The following FBLN1 variants were observed in gnomAD, a reference collection of about 807,000 sequenced individuals.
The protein encoded by FBLN1 is fibulin 1.
In FBLN1, 34 loss-of-function variants were observed where a neutral mutation model predicts 89.7. The ratio of observed to expected loss-of-function variants is 0.38; its 90% CI spans 0.29 to 0.50. The LOEUF (loss-of-function observed/expected upper bound fraction) is 0.50. FBLN1 is among the 20% of genes least tolerant of loss of function. The pLI, the probability that FBLN1 is intolerant of heterozygous loss-of-function variation, is 0.92. For missense variants in FBLN1, 777 were observed against 988.1 expected, an observed-to-expected ratio of 0.79 and a Z score of 2.86; for synonymous variants, 393 against 391.3, an observed-to-expected ratio of 1.00 and a Z score of -0.05.
intron 3 of FBLN1, among the ~76,000 whole-genome samples, chr22:45,526,471 G>A (rs1315903595): frequency 6.6e-6 from 1 of 152,250 alleles, no homozygotes; most frequent in Non-Finnish European, 1.5e-5. Context: ...ACTTGGGCCT[G>A]GAGGAGCTCG....
intron 16 of FBLN1, among the ~76,000 whole-genome samples, chr22:45,587,939 C>T (rs576024986): frequency 6.6e-6 from 1 of 152,248 alleles, no homozygotes; most frequent in African/African-American, 2.4e-5. Flanking sequence ...TTGCAACTCT[C>T]CTCATACTCA....
At chr22:45,591,282 G>A (rs988450097) in intron 16 of FBLN1, among the ~76,000 whole-genome samples, 5 of 152,196 alleles carry the variant, frequency 3.3e-5, no homozygotes, top group Non-Finnish European at 5.9e-5. Context: ...GATGAGAGGA[G>A]AGACAGTCGA....
intron 1 of FBLN1, among the ~76,000 whole-genome samples, chr22:45,506,619 G>C (rs1379117880): frequency 3.3e-5 from 5 of 152,206 alleles, no homozygotes; most frequent in Non-Finnish European, 7.4e-5. Flanking sequence ...GAGGATGGGG[G>C]AAAGGGTGTT....
At position 45,563,280 on chromosome 22, in the gene FBLN1, G is replaced by A. The variant is rs374694653; in HGVS notation, c.1698-11231G>A. The A allele has an allele frequency of 6.0e-5, 97 of 1,613,240 alleles. No homozygotes were observed. In the African/African-American group the frequency reaches 6.9e-4, roughly 12 times the overall value. ...GCAGAGCTCTGAGCACTCGCTTCGC[G>A]TCGCGGGGTCTCCCTCCTGTTGCTT... On this transcript the variant is annotated intron_variant, in intron 14 of 16. Transcript: ENST00000327858. The surrounding 1 kb of genome is among the most constrained non-coding windows in gnomAD (Gnocchi z 5.7).
In FBLN1 at chr22:45,549,540, A is replaced by C. The variant is rs1195280958; in HGVS notation, c.1573+796A>C. Among the ~76,000 whole-genome samples the C allele has an allele frequency of 2.6e-5, 4 of 152,164 alleles. No homozygotes were observed. The highest frequency in any genetic ancestry group is 5.9e-5 in the Non-Finnish European group (4 of 68,006). ...TCCGCTTGCCCTGGGCTCTGGATGG[A>C]AGGCTGGTTGTGTCTGCATTTCTGA... On this transcript the variant is annotated intron_variant, in intron 13 of 16. Coordinates refer to ENST00000327858, the MANE Select transcript of FBLN1 (RefSeq NM_006486.3). The surrounding 1 kb of genome is among the most constrained non-coding windows in gnomAD (Gnocchi z 5.7).
At position 45,561,336 on chromosome 22, in the gene FBLN1, C is replaced by A. The variant is rs908058361; in HGVS notation, c.1697+10721C>A. Among the ~76,000 whole-genome samples the A allele has an allele frequency of 6.6e-6, 1 of 152,192 alleles. No individual in the cohort carries two copies. The highest frequency in any genetic ancestry group is 6.5e-5 in the Admixed American group (1 of 15,286). On this transcript the variant is annotated intron_variant, in intron 14 of 16. Coordinates refer to ENST00000327858, the MANE Select transcript of FBLN1 (RefSeq NM_006486.3). This position sits in a 1 kb window ranked among gnomAD's most constrained non-coding sequence, Gnocchi z 4.7. Reference sequence around the variant, plus strand: ...TGCTTCTGAAGCTGGGAGATGGAATCCCTGAGTTCATAATTTTCTTTCATC... The same window carrying A: ...TGCTTCTGAAGCTGGGAGATGGAATACCTGAGTTCATAATTTTCTTTCATC...
At chr22:45,518,149 A>G (rs1442740657) in intron 1 of FBLN1, among the ~76,000 whole-genome samples, 1 of 151,740 alleles carries the variant, frequency 6.6e-6, no homozygotes, top group Non-Finnish European at 1.5e-5. Flanking sequence ...AAAAGAAAAA[A>G]AAAGAAAATT....
chr22:45,578,608 G>C lies in FBLN1; in HGVS notation c.1972+1500G>C, dbSNP rs1331001282. On this transcript the variant is annotated intron_variant, in intron 16 of 16. Coordinates refer to ENST00000327858, the MANE Select transcript of FBLN1 (RefSeq NM_006486.3). This position sits in a 1 kb window ranked among gnomAD's most constrained non-coding sequence, Gnocchi z 4.6. ...TTCAGGCCCCTGTGCAGGAGGGCAGGCAGGGAGGGGGTTGGGTCAGGGCTT... is the reference window on the plus strand; with the variant it reads ...TTCAGGCCCCTGTGCAGGAGGGCAGCCAGGGAGGGGGTTGGGTCAGGGCTT... Among the ~76,000 whole-genome samples the C allele has an allele frequency of 1.3e-5, 2 of 151,376 alleles. No homozygotes were observed. The highest frequency in any genetic ancestry group is 2.9e-5 in the Non-Finnish European group (2 of 67,998).
chr22:45,586,080 AG>A (rs1233423008), intron 16 of FBLN1, among the ~76,000 whole-genome samples: 1 of 152,176 alleles, frequency 6.6e-6, no homozygotes, highest in Non-Finnish European at 1.5e-5. Context: ...TGAGACACAC[AG>A]GGGGCCCCAG....
In FBLN1 at chr22:45,547,388, T is replaced by G. The variant is rs906355218; in HGVS notation, c.1441+184T>G. ...TTGCTGTTTTCCCTCCAACTGAGGT[T>G]TTTTTTTTTTTTTTTTTTTTTTTTT... On this transcript the variant is annotated intron_variant, in intron 12 of 16. Coordinates refer to ENST00000327858, the MANE Select transcript of FBLN1 (RefSeq NM_006486.3). Among the ~76,000 whole-genome samples the G allele has an allele frequency of 5.6e-4, 18 of 31,918 alleles. No homozygotes were observed. The East Asian group carries it at 0.012, about 21-fold the overall frequency. The allele number at this position is 31,918 out of a possible 152,430, so 20.9% of individuals were successfully genotyped here.
At chr22:45,568,882 C>T (rs762808843) in intron 14 of FBLN1, among the ~76,000 whole-genome samples, 6 of 152,206 alleles carry the variant, frequency 3.9e-5, no homozygotes, top group Admixed American at 1.3e-4. Context: ...TGACTTGTCT[C>T]AGCCCCTGGT....
rs993595538 is a variant in FBLN1, at chr22:45,588,925, G to C, written c.1973-11382G>C. 6.6e-6 allele frequency among the ~76,000 whole-genome samples: 1 copy of C among 151,842 alleles called. No homozygotes were observed. The highest frequency in any genetic ancestry group is 1.5e-5 in the Non-Finnish European group (1 of 67,974). ...CCCGCCATTACCTGGCCAGCACCGGGAGGATGTCAGGTGCTTCCAGGCGGA... is the reference window on the plus strand; with the variant it reads ...CCCGCCATTACCTGGCCAGCACCGGCAGGATGTCAGGTGCTTCCAGGCGGA... On this transcript the variant is annotated intron_variant, in intron 16 of 16. Coordinates refer to ENST00000327858, the MANE Select transcript of FBLN1 (RefSeq NM_006486.3). The surrounding 1 kb of genome is among the most constrained non-coding windows in gnomAD (Gnocchi z 5.1).
chr22:45,600,772 T>C lies in FBLN1; in HGVS notation c.*326T>C, dbSNP rs1216744274. 7.6e-6 allele frequency: 3 copies of C among 396,864 alleles called. No individual in the cohort carries two copies. The highest frequency in any genetic ancestry group is 3.8e-5 in the Admixed American group (1 of 26,304). The allele number at this position is 396,864 out of a possible 1,614,324, so 24.6% of individuals were successfully genotyped here. A position where few individuals can be genotyped will look rare whatever the true frequency, so the allele number is the denominator to read the frequency against. ...AAGACATTTTTTAGGGGGCAGCCAGTCCAAATGCCAAAAGAAGACCAGTTC... is the reference window on the plus strand; with the variant it reads ...AAGACATTTTTTAGGGGGCAGCCAGCCCAAATGCCAAAAGAAGACCAGTTC... On this transcript the variant is annotated 3_prime_UTR_variant, in exon 17 of 17. Coordinates refer to ENST00000327858, the MANE Select transcript of FBLN1 (RefSeq NM_006486.3).
rs542978755 is a variant in FBLN1 at position 45,533,796 on chromosome 22, C to T, written c.682C>T (p.Arg228Trp). Residue 228 changes from arginine (R) to tryptophan (W), a missense_variant, in exon 7 of 17, where the codon CGG becomes TGG. Coordinates refer to ENST00000327858, the MANE Select transcript of FBLN1 (RefSeq NM_006486.3). ...NECITGSHSC[R>W]LGESCINTVG... is the part of the protein sequence containing the mutation. ...ATGCATCACGGGCAGCCACAGCTGCCGGCTTGGAGAATCCTGCATCAACAC... is the reference window on the plus strand; with the variant it reads ...ATGCATCACGGGCAGCCACAGCTGCTGGCTTGGAGAATCCTGCATCAACAC... The T allele has an allele frequency of 7.4e-6, 12 of 1,613,468 alleles. No individual in the cohort carries two copies. The highest frequency in any genetic ancestry group is 5.3e-5 in the African/African-American group (4 of 75,068).
At position 45,538,420 on chromosome 22, in the gene FBLN1, A is replaced by G. The variant is rs539797862; in HGVS notation, c.923-2809A>G. Among the ~76,000 whole-genome samples, 80 of 152,350 alleles carry G rather than the reference A, an allele frequency of 5.3e-4. 1 individual carries two copies. In the South Asian group the frequency reaches 0.016, roughly 31 times the overall value. ...TCCTGCCCGCCTCTTGGCAGGGTCC[A>G]TGAGCCCTTCTGGGCTCTGCTCCCT... On this transcript the variant is annotated intron_variant, in intron 8 of 16. Coordinates refer to ENST00000327858, the MANE Select transcript of FBLN1 (RefSeq NM_006486.3).
rs10714602 is a variant in FBLN1, at chr22:45,588,813, C to CA, written c.1973-11479dup. 0.15 allele frequency among the ~76,000 whole-genome samples: 20,379 copies of CA among 138,668 alleles called. 2,359 individuals carry two copies. Among genetic ancestry groups the CA allele is most frequent in the African/African-American group, 0.32 (12,338 of 38,026 alleles). The allele number at this position is 138,668 out of a possible 152,430, so 91.0% of individuals were successfully genotyped here. On this transcript the variant is annotated intron_variant, in intron 16 of 16. Coordinates refer to ENST00000327858, the MANE Select transcript of FBLN1 (RefSeq NM_006486.3). This position sits in a 1 kb window ranked among gnomAD's most constrained non-coding sequence, Gnocchi z 5.1. ...GTAGAGGCATGTTGTGCAAAATTAG[C>CA]AAAAAAAAAAAAAAAGGAATGACGA...
intron 14 of FBLN1, chr22:45,558,089 G>A: frequency 1.4e-6 from 1 of 717,004 alleles, no homozygotes; most frequent in East Asian, 2.7e-5. Flanking sequence ...AGGGAACTCT[G>A]CATGAGGCCA....
chr22:45,582,326 T>C (rs1385705788), intron 16 of FBLN1, among the ~76,000 whole-genome samples: 1 of 152,232 alleles, frequency 6.6e-6, no homozygotes, highest in Non-Finnish European at 1.5e-5. Context: ...ACAGTCACAG[T>C]GCTCCCGGCC....
In FBLN1 at chr22:45,556,780, T is replaced by A. The variant is rs1440545223; in HGVS notation, c.1697+6165T>A. On this transcript the variant is annotated intron_variant, in intron 14 of 16. Transcript: ENST00000327858. The surrounding 1 kb of genome is among the most constrained non-coding windows in gnomAD (Gnocchi z 4.6). ...ATTTCCAGTTTAATGGAATCCTTGT[T>A]CTGTCTCCTGGTGGCGGCGTTCCTC... is the stretch of plus-strand genomic sequence containing the variant. 6.6e-6 allele frequency among the ~76,000 whole-genome samples: 1 copy of A among 152,162 alleles called. No individual in the cohort carries two copies.
Sources: allele counts gnomAD v4.1 joint callset (sites outside exome capture counted in the v4.1 genomes callset), GRCh38; gene constraint gnomAD v4.1.1; non-coding constraint Gnocchi (gnomAD v3.1); transcripts MANE v1.5; gene names NCBI Gene and HGNC (gene_info 2026-07-23, HGNC 2026-07-21).